EEPD1: variants seen among roughly 807,000 people sequenced by gnomAD.
The protein encoded by EEPD1 is endonuclease/exonuclease/phosphatase family domain-containing protein 1.
A neutral mutation model predicts 46.3 loss-of-function variants in EEPD1; 17 were observed. The ratio of observed to expected loss-of-function variants is 0.37; its 90% confidence interval spans 0.25 to 0.55. EEPD1 has a LOEUF of 0.55. Ranked by LOEUF, EEPD1 falls within the 20% of genes least tolerant of loss-of-function variation. The pLI, the probability that EEPD1 is intolerant of heterozygous loss-of-function variation, is 0.83. For missense variants in EEPD1, 673 were observed against 745.6 expected (o/e 0.90, Z 1.13); for synonymous variants, 313 against 315.6 (o/e 0.99, Z 0.09).
chr7:36,226,855 A>C (rs1381386622), intron 2 of EEPD1, among the ~76,000 whole-genome samples: 1 of 152,204 alleles, frequency 6.6e-6, no homozygotes. Context: ...TTATATATAT[A>C]ATAAATCATT....
At chr7:36,202,984 T>C (rs1583806511) in intron 2 of EEPD1, among the ~76,000 whole-genome samples, 1 of 152,188 alleles carries the variant, frequency 6.6e-6, no homozygotes, top group Non-Finnish European at 1.5e-5. Context: ...TGCAGGCTCC[T>C]TCCAGCATCT....
At chr7:36,233,262 A>G (rs891361226) in intron 2 of EEPD1, among the ~76,000 whole-genome samples, 6 of 152,216 alleles carry the variant, frequency 3.9e-5, no homozygotes, top group South Asian at 4.1e-4. Flanking sequence ...CACCAGGCAT[A>G]TTTCATGAAT....
chr7:36,262,483 A>G (rs1786943357), intron 3 of EEPD1, among the ~76,000 whole-genome samples: 3 of 152,196 alleles, frequency 2.0e-5, no homozygotes, highest in African/African-American at 7.2e-5. Context: ...GAAGAGGGCC[A>G]AGTGAGTGAC....
At chr7:36,210,728 C>T (rs552021010) in intron 2 of EEPD1, among the ~76,000 whole-genome samples, 12 of 152,188 alleles carry the variant, frequency 7.9e-5, no homozygotes, top group Non-Finnish European at 1.6e-4. Context: ...TTGCTGCTGC[C>T]TCCGCGTAGA....
intron 3 of EEPD1, among the ~76,000 whole-genome samples, chr7:36,261,153 G>T (rs1478422850): frequency 6.6e-6 from 1 of 152,144 alleles, no homozygotes; most frequent in Non-Finnish European, 1.5e-5. Context: ...TGGACAAATG[G>T]GTGGGTGGAT....
At chr7:36,284,470 G>A (rs1364523290) in intron 4 of EEPD1, among the ~76,000 whole-genome samples, 1 of 152,262 alleles carries the variant, frequency 6.6e-6, no homozygotes, top group Non-Finnish European at 1.5e-5. Context: ...CACCCTGTCT[G>A]TATGGAAAGC....
chr7:36,240,125 CA>C (rs1353030250), intron 3 of EEPD1, among the ~76,000 whole-genome samples: 1 of 151,986 alleles, frequency 6.6e-6, no homozygotes, highest in Non-Finnish European at 1.5e-5. Context: ...AGAAATTAGC[CA>C]GGTGTGGTGG....
chr7:36,193,913 T>G lies in EEPD1; in HGVS notation c.878+38711T>G, dbSNP rs994503106. Among the ~76,000 whole-genome samples the G allele has an allele frequency of 2.6e-5, 4 of 152,132 alleles. No homozygotes were observed. Among genetic ancestry groups the G allele is most frequent in the Admixed American group, 6.5e-5 (1 of 15,278 alleles). ...TTAGGCTGTGGACATAATGTGAGCA[T>G]CTTGAGAGTTCAGGAGCCTCTTATC... On this transcript the variant is annotated intron_variant, in intron 2 of 7. Transcript: ENST00000242108. This position sits in a 1 kb window ranked among gnomAD's most constrained non-coding sequence, Gnocchi z 4.9.
chr7:36,173,339 A>AG (rs1001914862), intron 2 of EEPD1, among the ~76,000 whole-genome samples: 5 of 150,478 alleles, frequency 3.3e-5, no homozygotes, highest in African/African-American at 1.2e-4. Flanking sequence ...AAAAAAAAAA[A>AG]AAAAAAAAAC....
At chr7:36,291,100 G>C (rs992179757) in intron 6 of EEPD1, among the ~76,000 whole-genome samples, 4 of 152,222 alleles carry the variant, frequency 2.6e-5, no homozygotes, top group Non-Finnish European at 5.9e-5. Flanking sequence ...CCTGGCTTTA[G>C]AATTGTCTTT....
At chr7:36,288,632 C>T (rs1464364520) in intron 6 of EEPD1, among the ~76,000 whole-genome samples, 1 of 152,006 alleles carries the variant, frequency 6.6e-6, no homozygotes, top group Non-Finnish European at 1.5e-5. Context: ...CATGGTGGTA[C>T]ACACCAGTAG....
Position 36,246,319 on chromosome 7 carries a change from G to A in EEPD1, c.930+7283G>A, listed in dbSNP as rs906348879. Reference sequence around the variant, plus strand: ...GGGGTTGAAGCCAGCCCTGCCATTTGCCAGCTGGGGGACATAGGAGGCCAG... The same window carrying A: ...GGGGTTGAAGCCAGCCCTGCCATTTACCAGCTGGGGGACATAGGAGGCCAG... On this transcript the variant is annotated intron_variant, in intron 3 of 7. Coordinates refer to ENST00000242108, the MANE Select transcript of EEPD1 (RefSeq NM_030636.3). 3.9e-5 allele frequency among the ~76,000 whole-genome samples: 6 copies of A among 152,344 alleles called. No homozygotes were observed. The South Asian group carries it at 1.2e-3, about 32-fold the overall frequency.
At chr7:36,174,527 A>G (rs1487405021) in intron 2 of EEPD1, among the ~76,000 whole-genome samples, 1 of 152,120 alleles carries the variant, frequency 6.6e-6, no homozygotes, top group Admixed American at 6.5e-5. Context: ...CTCCCTACCC[A>G]TGTTACACAG....
Position 36,299,393 on chromosome 7 carries a change from C to A in EEPD1, c.*187C>A. 1 of 711,376 alleles carries A rather than the reference C, an allele frequency of 1.4e-6. No homozygotes were observed. The highest frequency in any genetic ancestry group is 2.3e-6 in the Non-Finnish European group (1 of 440,156). 44.1% of individuals were successfully genotyped at this position (711,376 alleles called of 1,614,324 possible). A position where few individuals can be genotyped will look rare whatever the true frequency, so the allele number is the denominator to read the frequency against. The stretch of plus-strand genomic sequence containing the variant: ...CCTCCAGTGGGGGTGGCGTGCCAGG[C>A]GCGTACCCCACCAGGTGGGCAAAGC... On this transcript the variant is annotated 3_prime_UTR_variant, in exon 8 of 8. Transcript: ENST00000242108.
At chr7:36,219,228 G>C (rs1020463167) in intron 2 of EEPD1, among the ~76,000 whole-genome samples, 3 of 151,996 alleles carry the variant, frequency 2.0e-5, no homozygotes, top group East Asian at 3.9e-4. Context: ...TCACCATATA[G>C]TGCCCTAAAC....
intron 3 of EEPD1, among the ~76,000 whole-genome samples, chr7:36,277,540 C>T (rs1238816529): frequency 6.6e-6 from 1 of 152,088 alleles, no homozygotes; most frequent in African/African-American, 2.4e-5. Flanking sequence ...TGGCAGGCTC[C>T]CAAGTGAGGT....
chr7:36,262,429 T>C (rs1430994275), intron 3 of EEPD1, among the ~76,000 whole-genome samples: 1 of 152,148 alleles, frequency 6.6e-6, no homozygotes, highest in African/African-American at 2.4e-5. Context: ...GAAAGTTTAT[T>C]AAAAACTTTT....
intron 2 of EEPD1, among the ~76,000 whole-genome samples, chr7:36,199,877 C>T (rs968399085): frequency 6.6e-6 from 1 of 152,176 alleles, no homozygotes; most frequent in South Asian, 2.1e-4. Flanking sequence ...TGAGCTCCCC[C>T]TCCAACCTGT....
At chr7:36,277,989 TGA>T (rs1290298904) in intron 3 of EEPD1, among the ~76,000 whole-genome samples, 6 of 152,078 alleles carry the variant, frequency 3.9e-5, no homozygotes, top group Non-Finnish European at 1.5e-5. Context: ...CAAAGAAAAA[TGA>T]GAATGTCTTT....
Sources: allele counts gnomAD v4.1 joint callset (sites outside exome capture counted in the v4.1 genomes callset), GRCh38; gene constraint gnomAD v4.1.1; non-coding constraint Gnocchi (gnomAD v3.1); transcripts MANE v1.5; gene names NCBI Gene and HGNC (gene_info 2026-07-23, HGNC 2026-07-21).